The following UNC13B variants were observed in gnomAD, a reference collection of about 807,000 sequenced individuals.
UNC13B encodes the protein unc-13 homolog B, also known as protein unc-13 homolog B.
UNC13B carries 144 observed loss-of-function variants against 211.0 expected under a neutral mutation model. The observed-to-expected ratio is 0.68, with a 90% CI of 0.60 to 0.78. The LOEUF (loss-of-function observed/expected upper bound fraction) is 0.78. Ranked by LOEUF, UNC13B falls within the 30% of genes least tolerant of loss-of-function variation. The pLI is 0.00. For synonymous variants in UNC13B, 709 were observed against 725.8 expected (o/e 0.98, Z 0.37); for missense variants, 1,777 against 2,002.0 (o/e 0.89, Z 2.14).
chr9:35,313,119 A>G lies in UNC13B; in HGVS notation c.9324-780A>G, dbSNP rs190770982. 9.8e-5 allele frequency among the ~76,000 whole-genome samples: 15 copies of G among 152,326 alleles called. No homozygotes were observed. The East Asian group carries it at 2.7e-3, about 27-fold the overall frequency. On this transcript the variant is annotated intron_variant, in intron 10 of 39. Transcript: ENST00000635942. ...TTCCACCCCTCTCTGCATGGTTTCT[A>G]TACTACGTATTGACTCAGGGCTCTC...
chr9:35,172,336 T>A (rs1821377219), intron 1 of UNC13B, among the ~76,000 whole-genome samples: 2 of 152,172 alleles, frequency 1.3e-5, no homozygotes, highest in South Asian at 4.1e-4. Flanking sequence ...TGGAATTCTC[T>A]TCTGGCTATT....
In UNC13B at chr9:35,403,272, C is replaced by T. The variant is rs1365663091; in HGVS notation, c.12577+13C>T. The stretch of plus-strand genomic sequence containing the variant: ...GTCACAGTGAAAGGTGAGTGATGGA[C>T]TTACAGGTCTGCCCTTTCCTTGCCC... On this transcript the variant is annotated intron_variant, in intron 38 of 39. Transcript: ENST00000635942. 1.2e-6 allele frequency: 2 copies of T among 1,613,502 alleles called. No homozygotes were observed. The highest frequency in any genetic ancestry group is 1.7e-6 in the Non-Finnish European group (2 of 1,179,626).
chr9:35,260,055 A>AAAC (rs1397850219), intron 7 of UNC13B, among the ~76,000 whole-genome samples: 1 of 149,512 alleles, frequency 6.7e-6, no homozygotes, highest in Non-Finnish European at 1.5e-5. Flanking sequence ...AAAAAAAAAA[A>AAAC]AAAAAAAAAC....
At chr9:35,287,094 T>G (rs1828839549) in intron 7 of UNC13B, among the ~76,000 whole-genome samples, 1 of 151,968 alleles carries the variant, frequency 6.6e-6, no homozygotes, top group Non-Finnish European at 1.5e-5. Flanking sequence ...AAATTATCTT[T>G]CCTTTAGAGT....
At chr9:35,244,387 A>G (rs1462175517) in intron 6 of UNC13B, among the ~76,000 whole-genome samples, 2 of 152,132 alleles carry the variant, frequency 1.3e-5, no homozygotes, top group Non-Finnish European at 2.9e-5. Context: ...TGATGACTGT[A>G]TTTGTTTCCT....
intron 7 of UNC13B, among the ~76,000 whole-genome samples, chr9:35,284,233 T>G (rs1259454079): frequency 1.3e-5 from 2 of 152,106 alleles, no homozygotes; most frequent in African/African-American, 4.8e-5. Context: ...GTCACTGCAC[T>G]CCAGCCTGGT....
chr9:35,214,530 A>G (rs1824151095), intron 1 of UNC13B, among the ~76,000 whole-genome samples: 1 of 152,206 alleles, frequency 6.6e-6, no homozygotes, highest in Admixed American at 6.5e-5. Context: ...AAGTTAAACA[A>G]GTGAAGAGTA....
At chr9:35,351,560 A>G (rs1832721273) in intron 11 of UNC13B, 1 of 1,232,230 alleles carries the variant, frequency 8.1e-7, no homozygotes, top group African/African-American at 1.6e-5. Flanking sequence ...AGAGGAAGAA[A>G]TCATGGTTAC....
At chr9:35,272,049 T>C (rs1179855536) in intron 7 of UNC13B, among the ~76,000 whole-genome samples, 10 of 152,170 alleles carry the variant, frequency 6.6e-5, no homozygotes, top group Non-Finnish European at 1.3e-4. Flanking sequence ...TTCCATATGA[T>C]GGAATTGTAT....
intron 11 of UNC13B, chr9:35,353,868 G>A: frequency 9.0e-7 from 1 of 1,109,494 alleles, no homozygotes; most frequent in Non-Finnish European, 1.1e-6. Context: ...CCTCCATCTG[G>A]CCAGCATGAG....
intron 12 of UNC13B, among the ~76,000 whole-genome samples, chr9:35,368,730 T>G (rs1182724748): frequency 2.0e-5 from 3 of 152,012 alleles, no homozygotes; most frequent in Non-Finnish European, 2.9e-5. Context: ...TGTTTTTTTT[T>G]TTTTTAGTTT....
At chr9:35,168,817 C>T (rs568922966) in intron 1 of UNC13B, among the ~76,000 whole-genome samples, 118 of 151,724 alleles carry the variant, frequency 7.8e-4, no homozygotes, top group Non-Finnish European at 1.5e-3. Context: ...ATGCTCTCAC[C>T]TTAGACTCCT....
In UNC13B at chr9:35,404,158, T is replaced by G; in HGVS notation, c.*125T>G. On this transcript the variant is annotated 3_prime_UTR_variant, in exon 40 of 40. Coordinates refer to ENST00000635942, the MANE Select transcript of UNC13B (RefSeq NM_001371189.2). Reference sequence around the variant, plus strand: ...GGCTGACCCCTTCAGTTAAAGATATTTAAGGAAAAATTTGGGGTGGTGATA... The same window carrying G: ...GGCTGACCCCTTCAGTTAAAGATATGTAAGGAAAAATTTGGGGTGGTGATA... The G allele has an allele frequency of 2.2e-6, 3 of 1,344,472 alleles. No individual in the cohort carries two copies. Among genetic ancestry groups the G allele is most frequent in the Non-Finnish European group, 3.0e-6 (3 of 1,013,564 alleles). 83.3% of individuals were successfully genotyped at this position (1,344,472 alleles called of 1,614,324 possible). A position where few individuals can be genotyped will look rare whatever the true frequency, so the allele number is the denominator to read the frequency against.
rs146847191 is a variant in UNC13B, at chr9:35,405,048, C to A, written c.*1015C>A. ...CTATAGAAGGAGCCTGGACTCTGAT[C>A]CCTCTGTACAGGCTGGATGGAAGGG... On this transcript the variant is annotated 3_prime_UTR_variant, in exon 40 of 40. Coordinates refer to ENST00000635942, the MANE Select transcript of UNC13B (RefSeq NM_001371189.2). 6.6e-6 allele frequency: 1 copy of A among 152,636 alleles called. No homozygotes were observed. Among genetic ancestry groups the A allele is most frequent in the South Asian group, 2.1e-4 (1 of 4,824 alleles). The allele number at this position is 152,636 out of a possible 1,614,324, so 9.5% of individuals were successfully genotyped here. A position where few individuals can be genotyped will look rare whatever the true frequency, so the allele number is the denominator to read the frequency against.
chr9:35,228,160 AAATT>A, intron 2 of UNC13B, 116 bp downstream of exon 2: 3 of 961,306 alleles, frequency 3.1e-6, no homozygotes, highest in South Asian at 1.8e-5. Flanking sequence ...TTACTTCACT[AAATT>A]AATTCATGAA....
chr9:35,235,193 T>C (rs1825427055), intron 3 of UNC13B, among the ~76,000 whole-genome samples: 1 of 152,224 alleles, frequency 6.6e-6, no homozygotes, highest in Admixed American at 6.5e-5. Flanking sequence ...TATGGAATGA[T>C]TTCTTTTCGA....
intron 1 of UNC13B, among the ~76,000 whole-genome samples, chr9:35,218,102 C>G (rs921333493): frequency 1.3e-5 from 2 of 151,898 alleles, no homozygotes; most frequent in Admixed American, 1.3e-4. Context: ...GGCATTTTTA[C>G]TTTCTATTAT....
intron 1 of UNC13B, 28 bp from the exon 2 acceptor site, chr9:35,227,987 T>G: frequency 6.2e-7 from 1 of 1,608,436 alleles, no homozygotes; most frequent in Non-Finnish European, 8.5e-7. Flanking sequence ...GAAACATTCT[T>G]CATGGTATCC....
intron 7 of UNC13B, among the ~76,000 whole-genome samples, chr9:35,278,265 A>G (rs575312964): frequency 6.6e-6 from 1 of 152,294 alleles, no homozygotes; most frequent in Non-Finnish European, 1.5e-5. Context: ...CCAGATACGT[A>G]GAGTCCTCAT....
Sources: allele counts gnomAD v4.1 joint callset (sites outside exome capture counted in the v4.1 genomes callset), GRCh38; gene constraint gnomAD v4.1.1; transcripts MANE v1.5; gene names NCBI Gene and HGNC (gene_info 2026-07-23, HGNC 2026-07-21).